SPRED2: variants seen among roughly 807,000 people sequenced by gnomAD.
The protein encoded by SPRED2 is sprouty related EVH1 domain containing 2.
In SPRED2, 47 loss-of-function variants were observed where a neutral mutation model predicts 43.0. The ratio of observed to expected loss-of-function variants is 1.09; its 90% CI spans 0.87 to 1.40. The LOEUF is 1.40. Among genes scored for constraint, SPRED2 ranks in the 40% most tolerant of loss-of-function variants. SPRED2 has a pLI of 0.00. For missense variants in SPRED2, 561 were observed against 586.4 expected, an observed-to-expected ratio of 0.96 and a Z score of 0.45; for synonymous variants, 225 against 225.7, an observed-to-expected ratio of 1.00 and a Z score of 0.03.
At position 65,331,984 on chromosome 2, in the gene SPRED2, T is replaced by TA. The variant is rs762432338; in HGVS notation, c.438+2dup. The TA allele has an allele frequency of 1.9e-6, 3 of 1,604,358 alleles. No homozygotes were observed. The highest frequency in any genetic ancestry group is 1.7e-4 in the Middle Eastern group (1 of 6,036). ...TGGAAAGCAAAGGACAAAGGAAACT[T>TA]ACTGTAAAAACGTCATCATCGCCAA... On this transcript the variant is annotated splice_region_variant and intron_variant, in intron 4 of 5. Transcript: ENST00000356388.
chr2:65,429,031 T>C (rs1676618570), intron 1 of SPRED2, among the ~76,000 whole-genome samples: 1 of 152,252 alleles, frequency 6.6e-6, no homozygotes, highest in South Asian at 2.1e-4. Context: ...GTGTATTTTC[T>C]ATATGGAAGA....
At chr2:65,394,625 G>C (rs1675711853) in intron 1 of SPRED2, among the ~76,000 whole-genome samples, 1 of 152,140 alleles carries the variant, frequency 6.6e-6, no homozygotes, top group African/African-American at 2.4e-5. Flanking sequence ...ACACCCATCA[G>C]GACAGGGCTT....
intron 1 of SPRED2, among the ~76,000 whole-genome samples, chr2:65,425,480 T>C (rs1676536206): frequency 1.3e-5 from 2 of 152,254 alleles, no homozygotes; most frequent in Admixed American, 6.5e-5. Flanking sequence ...ATATGCCACA[T>C]GTGAACATAA....
At chr2:65,366,465 C>T (rs561418520) in intron 1 of SPRED2, 54 of 950,648 alleles carry the variant, frequency 5.7e-5, no homozygotes, top group Non-Finnish European at 8.4e-5. Context: ...AACACATACA[C>T]ACTGTGGTCC....
At chr2:65,314,225 CAAAA>C (rs1244224080) in intron 5 of SPRED2, 56 bp from the exon 6 acceptor site, 1 of 1,485,472 alleles carries the variant, frequency 6.7e-7, no homozygotes, top group East Asian at 2.3e-5. Flanking sequence ...AACAAACAAA[CAAAA>C]AAACACCCCA....
intron 1 of SPRED2, among the ~76,000 whole-genome samples, chr2:65,399,850 T>G (rs1398263008): frequency 6.6e-6 from 1 of 152,016 alleles, no homozygotes; most frequent in East Asian, 1.9e-4. Flanking sequence ...GGATAAAAGA[T>G]TACACATTGG....
At chr2:65,388,294 G>A (rs17534670) in intron 1 of SPRED2, among the ~76,000 whole-genome samples, 65,555 of 152,146 alleles carry the variant, frequency 0.43, 16,660 homozygotes, top group East Asian at 0.78. Context: ...CCTCAAGGTA[G>A]AGATCGCGTG....
chr2:65,324,677 AG>A (rs1430782203), intron 4 of SPRED2, among the ~76,000 whole-genome samples: 1 of 152,190 alleles, frequency 6.6e-6, no homozygotes, highest in African/African-American at 2.4e-5. Context: ...TTCATGTAGA[AG>A]GCCACCTCTC....
intron 1 of SPRED2, among the ~76,000 whole-genome samples, chr2:65,419,175 G>A (rs181646421): frequency 6.6e-5 from 10 of 152,236 alleles, no homozygotes; most frequent in Admixed American, 6.5e-4. Flanking sequence ...AACTTTTAGT[G>A]TTGAGTGTAT....
At chr2:65,321,475 C>T (rs1207699464) in intron 4 of SPRED2, among the ~76,000 whole-genome samples, 2 of 138,330 alleles carry the variant, frequency 1.4e-5, no homozygotes, top group African/African-American at 2.8e-5. Context: ...AGTTCGAGAC[C>T]AGCCTGGGCA....
At chr2:65,428,489 TA>T (rs1676605954) in intron 1 of SPRED2, among the ~76,000 whole-genome samples, 1 of 152,250 alleles carries the variant, frequency 6.6e-6, no homozygotes, top group South Asian at 2.1e-4. Flanking sequence ...ATTAATTTTG[TA>T]AAATGTGATA....
At chr2:65,418,858 A>C (rs1676352041) in intron 1 of SPRED2, among the ~76,000 whole-genome samples, 1 of 142,040 alleles carries the variant, frequency 7.0e-6, no homozygotes, top group Non-Finnish European at 1.6e-5. Flanking sequence ...CCTGGCCTTT[A>C]ATTTCTTATC....
At chr2:65,351,726 T>C (rs2104288886) in intron 1 of SPRED2, among the ~76,000 whole-genome samples, 1 of 152,340 alleles carries the variant, frequency 6.6e-6, no homozygotes, top group South Asian at 2.1e-4. Flanking sequence ...ATAAAATACA[T>C]ATGACTAGTG....
At chr2:65,333,006 G>A (rs895418304) in intron 3 of SPRED2, among the ~76,000 whole-genome samples, 2 of 152,088 alleles carry the variant, frequency 1.3e-5, no homozygotes, top group African/African-American at 4.8e-5. Flanking sequence ...AGTGGCTCAC[G>A]CCTGCAATCC....
At chr2:65,418,944 T>G (rs1676355141) in intron 1 of SPRED2, among the ~76,000 whole-genome samples, 1 of 152,178 alleles carries the variant, frequency 6.6e-6, no homozygotes, top group Non-Finnish European at 1.5e-5. Flanking sequence ...ATATAAATTC[T>G]GCTTGCAATA....
chr2:65,411,180 C>T (rs1676149955), intron 1 of SPRED2, among the ~76,000 whole-genome samples: 1 of 152,314 alleles, frequency 6.6e-6, no homozygotes, highest in Admixed American at 6.5e-5. Context: ...ACTTGGCCCA[C>T]ATTATCTCAT....
chr2:65,322,739 G>A (rs191917807), intron 4 of SPRED2, among the ~76,000 whole-genome samples: 56 of 152,228 alleles, frequency 3.7e-4, no homozygotes, highest in Admixed American at 2.3e-3. Flanking sequence ...ATTTCTATTA[G>A]ATATAATATT....
chr2:65,351,071 A>C (rs1674496241), intron 1 of SPRED2, among the ~76,000 whole-genome samples: 1 of 152,224 alleles, frequency 6.6e-6, no homozygotes, highest in African/African-American at 2.4e-5. Context: ...TACCTCAGTG[A>C]CAAAAACAGG....
downstream of SPRED2, among the ~76,000 whole-genome samples, chr2:65,308,735 C>A (rs1222600099): frequency 1.3e-5 from 2 of 152,190 alleles, no homozygotes; most frequent in African/African-American, 2.4e-5. Context: ...AAGTCACTTG[C>A]CCAAGAACTA....
Sources: allele counts gnomAD v4.1 joint callset (sites outside exome capture counted in the v4.1 genomes callset), GRCh38; gene constraint gnomAD v4.1.1; transcripts MANE v1.5; gene names NCBI Gene and HGNC (gene_info 2026-07-23, HGNC 2026-07-21).